The following NOSTRIN variants were observed in gnomAD, a reference collection of about 807,000 sequenced individuals.
NOSTRIN encodes BM247 homolog.
In NOSTRIN, 63 loss-of-function variants were observed where a neutral mutation model predicts 59.0. The ratio of observed to expected loss-of-function variants is 1.07; its 90% confidence interval spans 0.87 to 1.32. The LOEUF (loss-of-function observed/expected upper bound fraction) is 1.32. NOSTRIN is among the 40% of genes most tolerant of loss of function. The pLI is 0.00. For synonymous variants in NOSTRIN, 200 were observed against 165.4 expected (o/e 1.21, Z -1.61); for missense variants, 512 against 473.1 (o/e 1.08, Z -0.76).
chr2:168,807,687 A>G (rs1200563486), intron 1 of NOSTRIN, among the ~76,000 whole-genome samples: 1 of 152,178 alleles, frequency 6.6e-6, no homozygotes, highest in Non-Finnish European at 1.5e-5. Flanking sequence ...TTAGACACAA[A>G]TCCTCTGCAC....
rs1689317871 is a variant in NOSTRIN at position 168,859,594 on chromosome 2, C to G, written c.1136C>G (p.Pro379Arg). The change falls in exon 13 of 16, where the codon CCC becomes CGC. Residue 379 changes from proline (P) to arginine (R), a missense_variant. Transcript: ENST00000317647. ...GCAGAACTTGAGCAAAGACCTCAAC[C>G]CAGCCATCCTTGTAGTAATTCCATC... ...MLAELEQRPQ[P>R]SHPCSNSIFR... 6.2e-7 allele frequency: 1 copy of G among 1,614,050 alleles called. No individual in the cohort carries two copies. The highest frequency in any genetic ancestry group is 8.5e-7 in the Non-Finnish European group (1 of 1,179,998).
intron 3 of NOSTRIN, among the ~76,000 whole-genome samples, chr2:168,826,020 C>T (rs1687042301): frequency 6.6e-6 from 1 of 152,158 alleles, no homozygotes; most frequent in Admixed American, 6.5e-5. Flanking sequence ...CTAACTCTAC[C>T]ACTTAACAGG....
intron 2 of NOSTRIN, among the ~76,000 whole-genome samples, chr2:168,824,086 AC>A (rs1304904253): frequency 1.3e-5 from 2 of 152,178 alleles, no homozygotes; most frequent in African/African-American, 4.8e-5. Flanking sequence ...AAAACAAAAA[AC>A]AAAAAAACAA....
chr2:168,795,397 C>T (rs1471429222), upstream of NOSTRIN, among the ~76,000 whole-genome samples: 3 of 152,216 alleles, frequency 2.0e-5, no homozygotes, highest in African/African-American at 7.2e-5. Context: ...GTAAAATGTC[C>T]TTGTTCTCAT....
chr2:168,845,482 T>A (rs1425687504), intron 8 of NOSTRIN, among the ~76,000 whole-genome samples: 1 of 152,246 alleles, frequency 6.6e-6, no homozygotes, highest in Non-Finnish European at 1.5e-5. Context: ...GTGTAGCTGA[T>A]AACTAGCTTG....
At chr2:168,861,467 T>A (rs1052380575) in intron 14 of NOSTRIN, among the ~76,000 whole-genome samples, 1 of 151,806 alleles carries the variant, frequency 6.6e-6, no homozygotes. Context: ...TCTAGTTTTT[T>A]AAATTAGAAA....
chr2:168,852,908 CT>C (rs975914773), intron 10 of NOSTRIN, among the ~76,000 whole-genome samples: 33 of 152,206 alleles, frequency 2.2e-4, no homozygotes, highest in Middle Eastern at 3.4e-3. Flanking sequence ...GGGGAAAGCG[CT>C]TTTTTTCTTT....
At chr2:168,849,390 C>G (rs749393282) in intron 8 of NOSTRIN, among the ~76,000 whole-genome samples, 2 of 151,956 alleles carry the variant, frequency 1.3e-5, no homozygotes, top group African/African-American at 2.4e-5. Context: ...GAATCTCACT[C>G]TTTTGCACAG....
intron 7 of NOSTRIN, among the ~76,000 whole-genome samples, chr2:168,837,531 G>C (rs947630767): frequency 4.0e-5 from 6 of 151,712 alleles, no homozygotes; most frequent in South Asian, 4.2e-4. Context: ...GGATAGTCTC[G>C]ATCTCCTGAC....
intron 12 of NOSTRIN, 87 bp from the exon 13 acceptor site, chr2:168,859,425 T>C: frequency 6.4e-7 from 1 of 1,559,126 alleles, no homozygotes; most frequent in South Asian, 1.2e-5. Flanking sequence ...CTAACCTTTG[T>C]TATTTTGAAA....
At chr2:168,817,852 C>G (rs1686495634) in intron 2 of NOSTRIN, among the ~76,000 whole-genome samples, 1 of 152,180 alleles carries the variant, frequency 6.6e-6, no homozygotes, top group African/African-American at 2.4e-5. Flanking sequence ...GCCAGCCACT[C>G]CAATGACAGA....
intron 14 of NOSTRIN, among the ~76,000 whole-genome samples, chr2:168,861,448 TC>T (rs1466464181): frequency 1.3e-5 from 2 of 151,454 alleles, no homozygotes; most frequent in Non-Finnish European, 2.9e-5. Flanking sequence ...ATTACCATAA[TC>T]TTGACTATCT....
At chr2:168,802,562 G>A (rs1685648884), upstream of NOSTRIN, 4 of 830,206 alleles carry the variant, frequency 4.8e-6, no homozygotes, top group Non-Finnish European at 8.3e-6. Context: ...TTGAATCCCG[G>A]AAGTCCAGGA....
chr2:168,812,288 CG>C (rs1686183632), intron 2 of NOSTRIN, among the ~76,000 whole-genome samples: 1 of 152,060 alleles, frequency 6.6e-6, no homozygotes, highest in Non-Finnish European at 1.5e-5. Flanking sequence ...TAGATAGCTC[CG>C]TAATAAGCAA....
intron 2 of NOSTRIN, among the ~76,000 whole-genome samples, chr2:168,791,042 G>A (rs1685332472): frequency 6.6e-6 from 1 of 151,918 alleles, no homozygotes; most frequent in African/African-American, 2.4e-5. Context: ...GTCACAATGT[G>A]CAGGTTTGTT....
intron 7 of NOSTRIN, among the ~76,000 whole-genome samples, chr2:168,842,039 T>C (rs1338960676): frequency 6.6e-6 from 1 of 152,216 alleles, no homozygotes; most frequent in African/African-American, 2.4e-5. Flanking sequence ...AGGGGTCTTA[T>C]GATCTACAGT....
At chr2:168,821,633 G>A (rs1359032963) in intron 2 of NOSTRIN, among the ~76,000 whole-genome samples, 1 of 152,258 alleles carries the variant, frequency 6.6e-6, no homozygotes, top group Non-Finnish European at 1.5e-5. Context: ...ACTGTAAGGG[G>A]AGAGTGGCGA....
Position 168,864,889 on chromosome 2 carries a change from G to A in NOSTRIN, c.1440G>A (p.Leu480=). 6.2e-7 allele frequency: 1 copy of A among 1,613,926 alleles called. No homozygotes were observed. The highest frequency in any genetic ancestry group is 8.5e-7 in the Non-Finnish European group (1 of 1,179,904). The change falls in exon 16 of 16, where the codon TTG becomes TTA. Residue 480 remains leucine, a synonymous_variant. Coordinates refer to ENST00000317647, the MANE Select transcript of NOSTRIN (RefSeq NM_001039724.4). ...AAGGAGGATGGTGGTTTGGATCTTT[G>A]AATGGGAAAAAAGGCCATTTTCCTG... ...KKEGGWWFGS[L]NGKKGHFPAA...
At chr2:168,848,257 T>C (rs1358518443) in intron 8 of NOSTRIN, among the ~76,000 whole-genome samples, 6 of 152,228 alleles carry the variant, frequency 3.9e-5, no homozygotes, top group Middle Eastern at 3.2e-3. Flanking sequence ...CTTTAATCCT[T>C]TATCTGGGAG....
Sources: gnomAD v4.1 joint callset for allele counts (sites outside exome capture counted in the v4.1 genomes callset) on GRCh38, gnomAD v4.1.1 for gene constraint, MANE v1.5 for transcripts, NCBI Gene and HGNC (gene_info 2026-07-23, HGNC 2026-07-21) for gene names.